The following PDE3A variants were observed in gnomAD, a reference collection of about 807,000 sequenced individuals.
PDE3A encodes cGMP-inhibited 3',5'-cyclic phosphodiesterase 3A.
A neutral mutation model predicts 98.3 loss-of-function variants in PDE3A; 43 were observed. The ratio of observed to expected loss-of-function variants is 0.44; its 90% CI spans 0.34 to 0.56. The LOEUF (loss-of-function observed/expected upper bound fraction) is 0.56. Ranked by LOEUF, PDE3A falls within the 20% of genes least tolerant of loss-of-function variation. The pLI is 0.01. For synonymous variants in PDE3A, 663 were observed against 567.9 expected (o/e 1.17, Z -2.38); for missense variants, 1,427 against 1,440.7 (o/e 0.99, Z 0.15).
At position 20,527,921 on chromosome 12, in the gene PDE3A, G is replaced by GA. The variant is rs200125422; in HGVS notation, c.961-28725dup. Among the ~76,000 whole-genome samples, 881 of 125,000 alleles carry GA rather than the reference G, an allele frequency of 7.0e-3. 4 individuals carry two copies. The highest frequency in any genetic ancestry group is 0.012 in the African/African-American group (411 of 33,990). The allele number at this position is 125,000 out of a possible 152,430, so 82.0% of individuals were successfully genotyped here. A position where few individuals can be genotyped will look rare whatever the true frequency, so the allele number is the denominator to read the frequency against. On this transcript the variant is annotated intron_variant, in intron 1 of 15. Transcript: ENST00000359062. ...ATGTGTGTCTGTATAACTTTAAAAGGAAAAAAAAAAAAAAGCAAAACTCAA... is the reference window on the plus strand; with the variant it reads ...ATGTGTGTCTGTATAACTTTAAAAGGAAAAAAAAAAAAAAAGCAAAACTCAA...
chr12:20,464,925 A>G (rs184060603), intron 1 of PDE3A, among the ~76,000 whole-genome samples: 11 of 152,280 alleles, frequency 7.2e-5, no homozygotes, highest in Non-Finnish European at 1.6e-4. Flanking sequence ...AACTGATAAC[A>G]TGGCACACTC....
chr12:20,667,960 C>T (rs11045377), intron 15 of PDE3A, among the ~76,000 whole-genome samples: 82,153 of 151,856 alleles, frequency 0.54, 23,108 homozygotes, highest in East Asian at 0.73. Context: ...CTAGGGAGTG[C>T]GAGACAGTGG....
intron 2 of PDE3A, among the ~76,000 whole-genome samples, chr12:20,593,293 G>A (rs1222180648): frequency 6.6e-6 from 1 of 152,212 alleles, no homozygotes; most frequent in African/African-American, 2.4e-5. Flanking sequence ...GGCATTAGTA[G>A]AGCACGTGGA....
rs745887501 is a variant in PDE3A, at chr12:20,613,608, C to A, written c.1177C>A (p.Pro393Thr). The A allele has an allele frequency of 9.9e-6, 16 of 1,613,290 alleles. No individual in the cohort carries two copies. Among genetic ancestry groups the A allele is most frequent in the Non-Finnish European group, 1.3e-5 (15 of 1,179,204 alleles). ...TQLTFQAIHK[P>T]RVNPVTSLSE... Reference sequence around the variant, plus strand: ...GCTCACCTTCCAGGCCATTCACAAGCCCAGAGTGAATCCCGTCACTTCGCT... The same window carrying A: ...GCTCACCTTCCAGGCCATTCACAAGACCAGAGTGAATCCCGTCACTTCGCT... The change falls in exon 3 of 16, where the codon CCC (proline) becomes ACC (threonine). Residue 393 changes from proline to threonine, a missense_variant. Pro to Thr is a conservative substitution (Grantham distance 38). This residue lies in a region of PDE3A where 1,012 missense variants were observed against 886.5 expected (regional missense o/e 1.14). Coordinates refer to ENST00000359062, the MANE Select transcript of PDE3A (RefSeq NM_000921.5).
chr12:20,610,952 A>T (rs530970495), intron 2 of PDE3A, among the ~76,000 whole-genome samples: 62 of 152,058 alleles, frequency 4.1e-4, no homozygotes, highest in African/African-American at 1.5e-3. Context: ...GATATATAGG[A>T]TGTATAAGTC....
chr12:20,488,236 C>A (rs1230774221), intron 1 of PDE3A, among the ~76,000 whole-genome samples: 3 of 151,996 alleles, frequency 2.0e-5, no homozygotes, highest in African/African-American at 7.2e-5. Flanking sequence ...TCCCCTTATG[C>A]CTCCAAAATT....
intron 1 of PDE3A, among the ~76,000 whole-genome samples, chr12:20,474,833 A>ATCCGC (rs1454842288): frequency 1.3e-5 from 2 of 152,196 alleles, no homozygotes; most frequent in African/African-American, 4.8e-5. Flanking sequence ...TCCCTATCTC[A>ATCCGC]AAATCCTTAA....
chr12:20,448,925 G>T (rs969682562), intron 1 of PDE3A, among the ~76,000 whole-genome samples: 7 of 151,910 alleles, frequency 4.6e-5, no homozygotes, highest in South Asian at 2.1e-4. Flanking sequence ...AAGAGGTCTT[G>T]TTACAAAAGA....
intron 5 of PDE3A, among the ~76,000 whole-genome samples, chr12:20,624,874 A>G (rs958707521): frequency 5.3e-5 from 8 of 152,178 alleles, no homozygotes; most frequent in Non-Finnish European, 7.3e-5. Context: ...ACTGTGATGC[A>G]TCCTGGTTTT....
chr12:20,482,243 TAA>T (rs58290740), intron 1 of PDE3A, among the ~76,000 whole-genome samples: 46,141 of 147,568 alleles, frequency 0.31, 8,203 homozygotes, highest in East Asian at 0.67. Context: ...TTTTTTTCTG[TAA>T]AAAAAAAAAA....
chr12:20,530,420 A>T (rs1411337308), intron 1 of PDE3A, among the ~76,000 whole-genome samples: 2 of 152,142 alleles, frequency 1.3e-5, no homozygotes, highest in Non-Finnish European at 2.9e-5. Flanking sequence ...TGAGTATCCA[A>T]TAATAGATTC....
At chr12:20,512,036 C>T (rs1415729444) in intron 1 of PDE3A, among the ~76,000 whole-genome samples, 6 of 151,900 alleles carry the variant, frequency 3.9e-5, no homozygotes, top group African/African-American at 1.4e-4. Context: ...AAAACAAAGT[C>T]AGAAAAAATT....
At chr12:20,628,418 A>C (rs867781653) in intron 5 of PDE3A, among the ~76,000 whole-genome samples, 18 of 152,328 alleles carry the variant, frequency 1.2e-4, no homozygotes, top group Non-Finnish European at 2.1e-4. Context: ...GTAAGGAGCA[A>C]TGCAAACGCT....
intron 1 of PDE3A, among the ~76,000 whole-genome samples, chr12:20,441,862 G>T (rs988908362): frequency 1.3e-5 from 2 of 152,106 alleles, no homozygotes; most frequent in East Asian, 1.9e-4. Flanking sequence ...ATGTGCTTAT[G>T]ATCCTCCGGG....
At chr12:20,564,412 C>A (rs1185364203) in intron 2 of PDE3A, among the ~76,000 whole-genome samples, 2 of 152,116 alleles carry the variant, frequency 1.3e-5, no homozygotes, top group African/African-American at 4.8e-5. Context: ...TTTATGCTTT[C>A]AGGTTTTCAG....
intron 1 of PDE3A, among the ~76,000 whole-genome samples, chr12:20,501,820 T>C (rs1406829291): frequency 6.6e-6 from 1 of 152,192 alleles, no homozygotes; most frequent in Non-Finnish European, 1.5e-5. Context: ...GATTGCATCA[T>C]GCTTTTGATG....
chr12:20,376,086 T>G (rs1943566899), intron 1 of PDE3A, among the ~76,000 whole-genome samples: 1 of 152,034 alleles, frequency 6.6e-6, no homozygotes, highest in Non-Finnish European at 1.5e-5. Flanking sequence ...AAAGGTAAAA[T>G]AATATTTCAT....
At chr12:20,426,149 A>T (rs11045237) in intron 1 of PDE3A, among the ~76,000 whole-genome samples, 3 of 152,022 alleles carry the variant, frequency 2.0e-5, no homozygotes, top group Non-Finnish European at 2.9e-5. Flanking sequence ...AATGGCAACT[A>T]GAAGAGATTT....
intron 1 of PDE3A, among the ~76,000 whole-genome samples, chr12:20,435,171 C>T (rs916590707): frequency 1.3e-5 from 2 of 152,168 alleles, no homozygotes; most frequent in Admixed American, 6.5e-5. Context: ...CTCACTCTGT[C>T]ATAGGGAATC....
Sources: gnomAD v4.1 joint callset for allele counts (sites outside exome capture counted in the v4.1 genomes callset) on GRCh38, gnomAD v4.1.1 for gene constraint, gnomAD v4.1.1 regional missense constraint, MANE v1.5 for transcripts, NCBI Gene and HGNC (gene_info 2026-07-23, HGNC 2026-07-21) for gene names.